Variants in PALLD observed in about 807,000 individuals in gnomAD.
PALLD encodes palladin, cytoskeletal associated protein, also known as palladin.
In PALLD, 61 loss-of-function variants were observed where a neutral mutation model predicts 123.5. The ratio of observed to expected loss-of-function variants is 0.49; its 90% CI spans 0.40 to 0.61. The LOEUF is 0.61. PALLD is among the 20% of genes least tolerant of loss of function. PALLD has a pLI of 0.00. For missense variants in PALLD, 1,273 were observed against 1,377.0 expected, an observed-to-expected ratio of 0.92 and a Z score of 1.20; for synonymous variants, 465 against 496.4, an observed-to-expected ratio of 0.94 and a Z score of 0.84.
In PALLD at chr4:168,750,984, A is replaced by ATGTGTGTGTGTG. The variant is rs56827421; in HGVS notation, c.1964+39071_1964+39082dup. ...ATTCATGAGATCACATATTTTATAT[A>ATGTGTGTGTGTG]TGTGTGTGTGTGTGTGTGTGTCTGC... On this transcript the variant is annotated intron_variant, in intron 10 of 21. Coordinates refer to ENST00000505667, the MANE Select transcript of PALLD (RefSeq NM_001166108.2). 2.0e-5 allele frequency among the ~76,000 whole-genome samples: 3 copies of ATGTGTGTGTGTG among 148,448 alleles called. No homozygotes were observed. In the South Asian group the frequency reaches 6.4e-4, roughly 32 times the overall value.
At chr4:168,612,630 A>C (rs1773849522) in intron 2 of PALLD, among the ~76,000 whole-genome samples, 1 of 151,274 alleles carries the variant, frequency 6.6e-6, no homozygotes, top group Non-Finnish European at 1.5e-5. Context: ...ATTAAACCAG[A>C]CTGCCTTGCA....
intron 2 of PALLD, among the ~76,000 whole-genome samples, chr4:168,520,046 G>A (rs1033415055): frequency 1.3e-5 from 2 of 151,002 alleles, no homozygotes; most frequent in Non-Finnish European, 3.0e-5. Context: ...GGCACCTTTC[G>A]CCGGGCACGG....
chr4:168,841,135 C>T (rs1745980506), intron 10 of PALLD, among the ~76,000 whole-genome samples: 1 of 152,174 alleles, frequency 6.6e-6, no homozygotes, highest in Non-Finnish European at 1.5e-5. Context: ...AGGTGTGAGC[C>T]TCTGCGCCCG....
At chr4:168,777,514 C>A (rs1735333448) in intron 10 of PALLD, among the ~76,000 whole-genome samples, 1 of 145,850 alleles carries the variant, frequency 6.9e-6, no homozygotes, top group Non-Finnish European at 1.6e-5. Context: ...AGGAAACAAG[C>A]CCAGCATGTT....
intron 10 of PALLD, among the ~76,000 whole-genome samples, chr4:168,799,503 T>TA: frequency 6.6e-6 from 1 of 152,344 alleles, no homozygotes; most frequent in East Asian, 1.9e-4. Context: ...TCAATTGTGC[T>TA]ACCTTTTATT....
At chr4:168,676,626 C>T (rs903816604) in intron 3 of PALLD, among the ~76,000 whole-genome samples, 32 of 151,468 alleles carry the variant, frequency 2.1e-4, no homozygotes, top group Middle Eastern at 3.4e-3. Context: ...CGCTCTGTTG[C>T]CCAGGATGGA....
chr4:168,658,497 G>T (rs1048031751), intron 2 of PALLD, among the ~76,000 whole-genome samples: 2 of 151,892 alleles, frequency 1.3e-5, no homozygotes, highest in African/African-American at 4.8e-5. Context: ...ATCTTGCCCA[G>T]ACTGGTCTCT....
Position 168,845,555 on chromosome 4 carries a change from A to G in PALLD, c.1965-45367A>G, listed in dbSNP as rs570848238. Among the ~76,000 whole-genome samples the G allele has an allele frequency of 5.9e-5, 9 of 152,348 alleles. No homozygotes were observed. In the East Asian group the frequency reaches 1.7e-3, roughly 29 times the overall value. ...AATCTAGAGATGATTTAAAATATAC[A>G]GGAGGATGTATGTAGGTGATGTGCA... is the stretch of plus-strand genomic sequence containing the variant. On this transcript the variant is annotated intron_variant, in intron 10 of 21. Transcript: ENST00000505667.
intron 10 of PALLD, among the ~76,000 whole-genome samples, chr4:168,828,124 T>C (rs1156984145): frequency 6.6e-6 from 1 of 152,204 alleles, no homozygotes; most frequent in Admixed American, 6.5e-5. Flanking sequence ...ACATCTGTTA[T>C]AGACAACATT....
intron 2 of PALLD, among the ~76,000 whole-genome samples, chr4:168,535,417 CT>C (rs1369996135): frequency 6.6e-6 from 1 of 152,132 alleles, no homozygotes; most frequent in African/African-American, 2.4e-5. Flanking sequence ...ACAGTCTATA[CT>C]TTTTAATTCT....
At chr4:168,693,865 G>C (rs2150133668) in intron 8 of PALLD, among the ~76,000 whole-genome samples, 1 of 150,762 alleles carries the variant, frequency 6.6e-6, no homozygotes, top group East Asian at 2.0e-4. Context: ...TAAAATCCAT[G>C]ATCATGTTTT....
intron 10 of PALLD, among the ~76,000 whole-genome samples, chr4:168,786,105 G>A (rs939613407): frequency 1.2e-4 from 18 of 151,808 alleles, no homozygotes; most frequent in African/African-American, 2.2e-4. Flanking sequence ...CGAGGAGGGC[G>A]GATCATGTGG....
intron 2 of PALLD, among the ~76,000 whole-genome samples, chr4:168,664,758 A>C (rs547105174): frequency 6.8e-6 from 1 of 147,808 alleles, no homozygotes; most frequent in East Asian, 1.9e-4. Context: ...GGTGTGACCC[A>C]AGAGGAGGAG....
intron 2 of PALLD, among the ~76,000 whole-genome samples, chr4:168,513,000 C>G (rs911737388): frequency 6.6e-6 from 1 of 151,842 alleles, no homozygotes; most frequent in African/African-American, 2.4e-5. Context: ...TATGCCAAAG[C>G]CCTGCAACAT....
chr4:168,792,371 A>G (rs1174842379), intron 10 of PALLD, among the ~76,000 whole-genome samples: 1 of 152,108 alleles, frequency 6.6e-6, no homozygotes, highest in Non-Finnish European at 1.5e-5. Context: ...TAATGAGTTG[A>G]GGAAAACAGA....
chr4:168,850,927 T>A (rs1164621359), intron 10 of PALLD, among the ~76,000 whole-genome samples: 1 of 152,206 alleles, frequency 6.6e-6, no homozygotes, highest in Non-Finnish European at 1.5e-5. Context: ...TTAGCATGTG[T>A]CTGCGAACCC....
At chr4:168,763,429 C>T (rs1371400673) in intron 10 of PALLD, among the ~76,000 whole-genome samples, 3 of 152,190 alleles carry the variant, frequency 2.0e-5, no homozygotes, top group African/African-American at 4.8e-5. Context: ...GAAACAGGTT[C>T]ACAGCCGTTC....
chr4:168,583,359 C>T (rs1004245191), intron 2 of PALLD, among the ~76,000 whole-genome samples: 1 of 152,108 alleles, frequency 6.6e-6, no homozygotes, highest in African/African-American at 2.4e-5. Flanking sequence ...TATTCTAGAT[C>T]AGTGCTTCTC....
At chr4:168,856,887 T>G (rs1239836960) in intron 10 of PALLD, among the ~76,000 whole-genome samples, 2 of 152,210 alleles carry the variant, frequency 1.3e-5, no homozygotes, top group African/African-American at 4.8e-5. Context: ...TTGGAGTCCT[T>G]GAATAGAAAT....
Sources: allele counts gnomAD v4.1 joint callset (sites outside exome capture counted in the v4.1 genomes callset), GRCh38; gene constraint gnomAD v4.1.1; transcripts MANE v1.5; gene names NCBI Gene and HGNC (gene_info 2026-07-23, HGNC 2026-07-21).